The following ZNF385D variants were observed in gnomAD, a reference collection of about 807,000 sequenced individuals.
ZNF385D encodes zinc finger protein 385D, also known as zinc finger protein 659.
A neutral mutation model predicts 35.8 loss-of-function variants in ZNF385D; 15 were observed. That is an observed-to-expected ratio of 0.42 (90% CI 0.28 to 0.64). The LOEUF (loss-of-function observed/expected upper bound fraction) is 0.64. ZNF385D is among the 30% of genes least tolerant of loss of function. The pLI is 0.23. For missense variants in ZNF385D, 474 were observed against 494.6 expected (o/e 0.96, Z 0.39); for synonymous variants, 212 against 186.8 (o/e 1.13, Z -1.10).
intron 2 of ZNF385D, among the ~76,000 whole-genome samples, chr3:22,204,270 G>T (rs1697001158): frequency 6.6e-6 from 1 of 152,082 alleles, no homozygotes; most frequent in African/African-American, 2.4e-5. Flanking sequence ...CAGTCTGTAA[G>T]AATCACAGCT....
At chr3:22,261,390 T>C (rs1700624006) in intron 2 of ZNF385D, among the ~76,000 whole-genome samples, 1 of 152,044 alleles carries the variant, frequency 6.6e-6, no homozygotes, top group Non-Finnish European at 1.5e-5. Context: ...TGAGAAGAGG[T>C]TGAATTAGCT....
intron 3 of ZNF385D, among the ~76,000 whole-genome samples, chr3:22,115,024 G>T (rs549779475): frequency 1.1e-3 from 168 of 152,140 alleles, no homozygotes; most frequent in African/African-American, 3.5e-3. Context: ...TCTCTTTTCT[G>T]TATAAATTAG....
chr3:22,092,808 G>C (rs1241414143), intron 3 of ZNF385D, among the ~76,000 whole-genome samples: 3 of 151,874 alleles, frequency 2.0e-5, no homozygotes, highest in Admixed American at 2.0e-4. Flanking sequence ...TTACAGTTTT[G>C]ATATTTTTAG....
chr3:21,573,210 G>A (rs2063385261), intron 2 of ZNF385D, among the ~76,000 whole-genome samples: 1 of 152,234 alleles, frequency 6.6e-6, no homozygotes, highest in Admixed American at 6.5e-5. Context: ...ATATACAGAG[G>A]AACTCTAGAA....
chr3:22,243,096 A>G lies in ZNF385D; in HGVS notation c.107-74061T>C, dbSNP rs372836721. ...AATAGCACTATCAAAGGAAAACTACAGAATGGGAGAAAATATTTGCAAATC... is the reference window on the plus strand; with the variant it reads ...AATAGCACTATCAAAGGAAAACTACGGAATGGGAGAAAATATTTGCAAATC... On this transcript the variant is annotated intron_variant, in intron 2 of 5. Transcript: ENST00000494108. Among the ~76,000 whole-genome samples, 61 of 151,238 alleles carry G rather than the reference A, an allele frequency of 4.0e-4. 1 individual carries two copies. Among genetic ancestry groups the G allele is most frequent in the African/African-American group, 1.4e-3 (56 of 40,966 alleles).
chr3:22,195,695 A>G (rs1290602682), intron 2 of ZNF385D, among the ~76,000 whole-genome samples: 1 of 152,042 alleles, frequency 6.6e-6, no homozygotes, highest in African/African-American at 2.4e-5. Flanking sequence ...TCTAACCAGC[A>G]TTAGATATTA....
chr3:21,819,563 AAATT>A (rs1250161663), intron 3 of ZNF385D, among the ~76,000 whole-genome samples: 18 of 149,692 alleles, frequency 1.2e-4, no homozygotes, highest in Non-Finnish European at 1.8e-4. Context: ...AGGAAAATAC[AAATT>A]AATTATATGT....
At chr3:21,703,860 A>G (rs1452392970) in intron 1 of ZNF385D, among the ~76,000 whole-genome samples, 1 of 151,054 alleles carries the variant, frequency 6.6e-6, no homozygotes, top group East Asian at 2.0e-4. Flanking sequence ...TGTATGGTCA[A>G]CTCTCACCAC....
intron 2 of ZNF385D, among the ~76,000 whole-genome samples, chr3:22,262,029 C>T (rs1700659321): frequency 6.6e-6 from 1 of 151,934 alleles, no homozygotes; most frequent in African/African-American, 2.4e-5. Context: ...TATTTTTAAA[C>T]TTGCAGCATA....
chr3:21,965,384 G>T (rs1305768758), intron 3 of ZNF385D, among the ~76,000 whole-genome samples: 1 of 152,120 alleles, frequency 6.6e-6, no homozygotes, highest in African/African-American at 2.4e-5. Context: ...ACACAAATGA[G>T]CAAGACAGAT....
chr3:21,667,793 T>A (rs1341190860), intron 1 of ZNF385D, among the ~76,000 whole-genome samples: 1 of 152,190 alleles, frequency 6.6e-6, no homozygotes, highest in Non-Finnish European at 1.5e-5. Context: ...ATAATAAAAA[T>A]ATGTCCATTC....
At chr3:21,619,653 C>T (rs531745610) in intron 2 of ZNF385D, among the ~76,000 whole-genome samples, 3 of 152,258 alleles carry the variant, frequency 2.0e-5, no homozygotes, top group South Asian at 4.1e-4. Flanking sequence ...CTTTGTCCAT[C>T]TGGGGAATGG....
chr3:22,305,906 T>G (rs1392311806), intron 2 of ZNF385D, among the ~76,000 whole-genome samples: 1 of 152,206 alleles, frequency 6.6e-6, no homozygotes, highest in Non-Finnish European at 1.5e-5. Context: ...AAACAGTTTC[T>G]AAATATTCTG....
intron 4 of ZNF385D, among the ~76,000 whole-genome samples, chr3:21,438,099 T>C (rs1266440535): frequency 1.3e-5 from 2 of 152,196 alleles, no homozygotes; most frequent in Admixed American, 1.3e-4. Flanking sequence ...TACCCTGTCT[T>C]AACTTTACTT....
chr3:21,853,116 C>T lies in ZNF385D; in HGVS notation c.326-188088G>A, dbSNP rs561297412. Among the ~76,000 whole-genome samples, 253 of 151,596 alleles carry T rather than the reference C, an allele frequency of 1.7e-3. 2 individuals carry two copies. Among genetic ancestry groups the T allele is most frequent in the Admixed American group, 6.4e-3 (97 of 15,204 alleles). ...GAAAAGAGTGTGTGATCAAACTAAA[C>T]ATATAGCAAAAAGATACATTTAGAG... On this transcript the variant is annotated intron_variant, in intron 3 of 5. Coordinates refer to the ZNF385D transcript ENST00000494108.
intron 3 of ZNF385D, among the ~76,000 whole-genome samples, chr3:21,823,890 T>C (rs1205874804): frequency 6.6e-6 from 1 of 152,212 alleles, no homozygotes; most frequent in Non-Finnish European, 1.5e-5. Context: ...CGTCAATGTA[T>C]GCTAATGAAT....
At chr3:22,028,228 A>C (rs1697688521) in intron 3 of ZNF385D, among the ~76,000 whole-genome samples, 1 of 152,162 alleles carries the variant, frequency 6.6e-6, no homozygotes, top group South Asian at 2.1e-4. Flanking sequence ...ATATTAACCA[A>C]CATGTGACCT....
intron 3 of ZNF385D, among the ~76,000 whole-genome samples, chr3:21,831,856 T>C (rs1695011191): frequency 6.6e-6 from 1 of 152,212 alleles, no homozygotes; most frequent in Non-Finnish European, 1.5e-5. Flanking sequence ...CATGACTTTG[T>C]ACTGATATCA....
chr3:21,733,225 CTTCTG>C (rs1303887685), intron 1 of ZNF385D, among the ~76,000 whole-genome samples: 3 of 152,066 alleles, frequency 2.0e-5, no homozygotes, highest in African/African-American at 4.8e-5. Flanking sequence ...TGAACTTTCT[CTTCTG>C]TTCTATTGAC....
Sources: allele counts gnomAD v4.1 joint callset (sites outside exome capture counted in the v4.1 genomes callset), GRCh38; gene constraint gnomAD v4.1.1; transcripts MANE v1.5; gene names NCBI Gene and HGNC (gene_info 2026-07-23, HGNC 2026-07-21).